The following TENM2 variants were observed in gnomAD, a reference collection of about 807,000 sequenced individuals.
The protein encoded by TENM2 is teneurin-2.
TENM2 carries 52 observed loss-of-function variants against 245.2 expected under a neutral mutation model. That is an observed-to-expected ratio of 0.21 (90% CI 0.17 to 0.27). TENM2 has a LOEUF of 0.27. TENM2 is among the 10% of genes least tolerant of loss of function. The pLI is 1.00. For synonymous variants in TENM2, 1,363 were observed against 1,438.9 expected (o/e 0.95, Z 1.19); for missense variants, 3,046 against 3,666.8 (o/e 0.83, Z 4.37).
intron 2 of TENM2, among the ~76,000 whole-genome samples, chr5:167,465,625 C>G (rs541474321): frequency 6.6e-6 from 1 of 152,168 alleles, no homozygotes; most frequent in Admixed American, 6.5e-5. Flanking sequence ...GTCAGGAAAT[C>G]GAGACCATCC....
Position 167,454,995 on chromosome 5 carries a change from C to T in TENM2, c.502+79522C>T, listed in dbSNP as rs533444679. On this transcript the variant is annotated intron_variant, in intron 2 of 28. Coordinates refer to ENST00000518659, the Ensembl canonical transcript of TENM2. ...GAGAGAGTAGTGAAAGAATGCATAT[C>T]CTCCCCAAAAAAGAGAATTTATTCT... Among the ~76,000 whole-genome samples, 3 of 152,210 alleles carry T rather than the reference C, an allele frequency of 2.0e-5. No individual in the cohort carries two copies. In the East Asian group the frequency reaches 5.8e-4, roughly 29 times the overall value.
chr5:168,051,827 A>T (rs989305515), intron 6 of TENM2, among the ~76,000 whole-genome samples: 5 of 152,196 alleles, frequency 3.3e-5, no homozygotes, highest in African/African-American at 4.8e-5. Flanking sequence ...CTTGTAAAAC[A>T]TTGCATGTGG....
rs141989029 is a variant in TENM2, at chr5:167,431,653, C to G, written c.502+56180C>G. ...TGTATACTTCCCTATCTACATCTAT[C>G]TATATACACAACAACAGACATTTAT... is the stretch of plus-strand genomic sequence containing the variant. On this transcript the variant is annotated intron_variant, in intron 2 of 28. Coordinates refer to ENST00000518659, the Ensembl canonical transcript of TENM2. Among the ~76,000 whole-genome samples, 723 of 151,922 alleles carry G rather than the reference C, an allele frequency of 4.8e-3. 7 individuals are homozygous for G. The highest frequency in any genetic ancestry group is 0.016 in the African/African-American group (657 of 41,474).
chr5:167,431,948 T>C (rs13189450), intron 2 of TENM2, among the ~76,000 whole-genome samples: 9 of 56,860 alleles, frequency 1.6e-4, no homozygotes, highest in Non-Finnish European at 3.0e-4. Context: ...TACATATATA[T>C]GTATATATAT....
At chr5:168,103,744 A>C (rs1306067875) in intron 9 of TENM2, among the ~76,000 whole-genome samples, 1 of 152,016 alleles carries the variant, frequency 6.6e-6, no homozygotes, top group Non-Finnish European at 1.5e-5. Context: ...GTTCCCCCTC[A>C]CACATAAGGC....
intron 2 of TENM2, among the ~76,000 whole-genome samples, chr5:167,770,484 A>G (rs1329322951): frequency 1.3e-5 from 2 of 152,306 alleles, no homozygotes; most frequent in Non-Finnish European, 2.9e-5. Flanking sequence ...CCTTAGTGCA[A>G]TAATAGGTAC....
rs374952364 is a variant in TENM2, at chr5:168,234,300, A to G, written c.5520+6170A>G. Among the ~76,000 whole-genome samples the G allele has an allele frequency of 1.4e-4, 22 of 152,270 alleles. No individual in the cohort carries two copies. The South Asian group carries it at 4.6e-3, about 32-fold the overall frequency. On this transcript the variant is annotated intron_variant, in intron 25 of 28. Coordinates refer to ENST00000518659, the Ensembl canonical transcript of TENM2. The stretch of plus-strand genomic sequence containing the variant: ...CTCATGGAAGAAAGATTGACCTGGC[A>G]GAGGGAGTTCACATTCCTGGGCAAA...
At chr5:166,983,293 C>G in the TENM2 span, among the ~76,000 whole-genome samples, 1 of 152,028 alleles carries the variant, frequency 6.6e-6, no homozygotes, top group Non-Finnish European at 1.5e-5. Context: ...TGAAATACTG[C>G]ATCCTTTTTA....
intron 7 of TENM2, 126 bp downstream of exon 9, chr5:168,062,391 G>A: frequency 2.5e-6 from 2 of 791,004 alleles, no homozygotes; most frequent in Non-Finnish European, 2.0e-6. Context: ...AAAAATGTTG[G>A]CGAGAATTTG....
chr5:167,494,875 T>C (rs750334617), intron 2 of TENM2, among the ~76,000 whole-genome samples: 25 of 152,110 alleles, frequency 1.6e-4, no homozygotes, highest in Non-Finnish European at 2.5e-4. Flanking sequence ...TTCAACCAAC[T>C]GCAATAATTC....
intron 2 of TENM2, among the ~76,000 whole-genome samples, chr5:167,722,766 ACT>A (rs1398191149): frequency 2.0e-5 from 3 of 151,990 alleles, no homozygotes; most frequent in Non-Finnish European, 4.4e-5. Flanking sequence ...ATAGAGTGAG[ACT>A]CTGTCTCAAA....
At chr5:167,769,545 G>A (rs1488674858) in intron 2 of TENM2, among the ~76,000 whole-genome samples, 4 of 152,158 alleles carry the variant, frequency 2.6e-5, no homozygotes, top group East Asian at 1.9e-4. Context: ...CTGTCCAGTT[G>A]CCACTTAAAA....
the TENM2 span, among the ~76,000 whole-genome samples, chr5:167,051,985 A>G: frequency 6.6e-6 from 1 of 152,018 alleles, no homozygotes; most frequent in Non-Finnish European, 1.5e-5. Flanking sequence ...TGCGCTTTTG[A>G]ATTTGAGTGG....
At chr5:167,395,638 G>A (rs1025073741) in intron 2 of TENM2, among the ~76,000 whole-genome samples, 1 of 152,098 alleles carries the variant, frequency 6.6e-6, no homozygotes, top group Admixed American at 6.6e-5. Flanking sequence ...CAAAAATATA[G>A]CAAGTCTTCA....
At position 167,386,993 on chromosome 5, in the gene TENM2, C is replaced by CT. The variant is rs1270922603; in HGVS notation, c.502+11528dup. 2.0e-5 allele frequency among the ~76,000 whole-genome samples: 3 copies of CT among 151,778 alleles called. No homozygotes were observed. In the East Asian group the frequency reaches 5.8e-4, roughly 29 times the overall value. On this transcript the variant is annotated intron_variant, in intron 2 of 28. Coordinates refer to ENST00000518659, the Ensembl canonical transcript of TENM2. ...TTTGGTCTTGCTTTGGCTATGCTGA[C>CT]TTTTTTTTGGTTCCATATGAATTTT...
At chr5:168,033,089 A>G (rs1787280066) in intron 5 of TENM2, 2 of 152,288 alleles carry the variant, frequency 1.3e-5, no homozygotes, top group South Asian at 4.1e-4. Flanking sequence ...TTCTTTTTTC[A>G]TAATATTCCT....
At chr5:167,284,685 C>T, upstream of TENM2, 1 of 628,286 alleles carries the variant, frequency 1.6e-6, no homozygotes. Context: ...ATGTTTTCGT[C>T]TGAGTCAGAG....
intron 1 of TENM2, among the ~76,000 whole-genome samples, chr5:167,358,955 C>T (rs1253226590): frequency 6.6e-6 from 1 of 151,782 alleles, no homozygotes; most frequent in Non-Finnish European, 1.5e-5. Flanking sequence ...TCTACCACAC[C>T]CTGCGTGTAA....
At chr5:167,687,690 C>T (rs1757164519) in intron 2 of TENM2, among the ~76,000 whole-genome samples, 1 of 152,152 alleles carries the variant, frequency 6.6e-6, no homozygotes, top group South Asian at 2.1e-4. Flanking sequence ...CTTTATCCAG[C>T]CAACTTCACA....
Sources: gnomAD v4.1 joint callset for allele counts (sites outside exome capture counted in the v4.1 genomes callset) on GRCh38, gnomAD v4.1.1 for gene constraint, MANE v1.5 for transcripts, NCBI Gene and HGNC (gene_info 2026-07-23, HGNC 2026-07-21) for gene names.